The following HPSE2 variants were observed in gnomAD, a reference collection of about 807,000 sequenced individuals.
HPSE2 encodes the protein inactive heparanase-2.
HPSE2 carries 38 observed loss-of-function variants against 60.5 expected under a neutral mutation model. The ratio of observed to expected loss-of-function variants is 0.63; its 90% confidence interval spans 0.48 to 0.82. The LOEUF is 0.82. HPSE2 is among the 40% of genes least tolerant of loss of function. The pLI is 0.00. For missense variants in HPSE2, 713 were observed against 740.4 expected, an observed-to-expected ratio of 0.96 and a Z score of 0.43; for synonymous variants, 295 against 293.2, an observed-to-expected ratio of 1.01 and a Z score of -0.06.
chr10:98,775,970 C>T (rs1950331195), intron 3 of HPSE2, among the ~76,000 whole-genome samples: 1 of 152,178 alleles, frequency 6.6e-6, no homozygotes, highest in Non-Finnish European at 1.5e-5. Context: ...CAAAACAGGT[C>T]ATCAAGTTCA....
intron 6 of HPSE2, among the ~76,000 whole-genome samples, chr10:98,655,183 G>A (rs1036736491): frequency 6.6e-6 from 1 of 151,904 alleles, no homozygotes; most frequent in Non-Finnish European, 1.5e-5. Context: ...GGGGGCTAGA[G>A]TGTGGGGAAT....
rs908544439 is a variant in HPSE2, at chr10:99,060,642, G to A, written c.610+83596C>T. ...CATTGCGCTCCAGCCTGGGCAATAA[G>A]AGCGAAACTCTGTCTCAAAAAAAAA... On this transcript the variant is annotated intron_variant, in intron 3 of 11. Coordinates refer to ENST00000370552, the MANE Select transcript of HPSE2 (RefSeq NM_021828.5). 5.3e-5 allele frequency among the ~76,000 whole-genome samples: 5 copies of A among 94,966 alleles called. No homozygotes were observed. In the Admixed American group the frequency reaches 7.1e-4, roughly 14 times the overall value. The allele number at this position is 94,966 out of a possible 152,430, so 62.3% of individuals were successfully genotyped here.
intron 3 of HPSE2, among the ~76,000 whole-genome samples, chr10:99,130,068 G>T (rs1408944536): frequency 1.3e-5 from 2 of 151,812 alleles, no homozygotes; most frequent in Non-Finnish European, 2.9e-5. Flanking sequence ...AACCCTCCTA[G>T]ATTAAATCAG....
At chr10:98,913,707 C>A (rs1954042059) in intron 3 of HPSE2, among the ~76,000 whole-genome samples, 3 of 152,102 alleles carry the variant, frequency 2.0e-5, no homozygotes, top group African/African-American at 7.2e-5. Flanking sequence ...TGACTGCCTG[C>A]CCATCATGGC....
intron 3 of HPSE2, among the ~76,000 whole-genome samples, chr10:98,896,171 T>C (rs2134959134): frequency 6.6e-6 from 1 of 152,206 alleles, no homozygotes; most frequent in African/African-American, 2.4e-5. Context: ...ATTTTTCTCA[T>C]GTTTCATCTA....
intron 3 of HPSE2, among the ~76,000 whole-genome samples, chr10:99,030,438 A>G (rs903954240): frequency 3.9e-5 from 6 of 152,262 alleles, no homozygotes; most frequent in African/African-American, 1.4e-4. Flanking sequence ...TGAAAACTAC[A>G]ATGAGATATA....
chr10:98,854,024 A>G (rs916677449), intron 3 of HPSE2, among the ~76,000 whole-genome samples: 2 of 152,202 alleles, frequency 1.3e-5, no homozygotes, highest in African/African-American at 4.8e-5. Flanking sequence ...AATTTTAAAA[A>G]TATTAAGAAA....
intron 9 of HPSE2, among the ~76,000 whole-genome samples, chr10:98,514,649 C>T (rs563375764): frequency 6.6e-6 from 1 of 150,948 alleles, no homozygotes; most frequent in South Asian, 2.1e-4. Flanking sequence ...TTAATATCCT[C>T]CTTCTGGTCA....
At chr10:98,894,573 T>C (rs1953430199) in intron 3 of HPSE2, among the ~76,000 whole-genome samples, 1 of 151,868 alleles carries the variant, frequency 6.6e-6, no homozygotes, top group Non-Finnish European at 1.5e-5. Context: ...CTAAAGAAAT[T>C]ACCTAAAAAC....
chr10:98,976,587 C>T (rs1254098711), intron 3 of HPSE2, among the ~76,000 whole-genome samples: 3 of 152,132 alleles, frequency 2.0e-5, no homozygotes, highest in Admixed American at 6.6e-5. Flanking sequence ...TATACTCTAA[C>T]GATACAATTC....
intron 9 of HPSE2, among the ~76,000 whole-genome samples, chr10:98,509,896 C>G (rs1942331710): frequency 6.6e-6 from 1 of 152,050 alleles, no homozygotes. Flanking sequence ...TCTCCTCATC[C>G]TGCCCCTCCT....
At chr10:99,187,852 A>G (rs1366401885) in intron 2 of HPSE2, among the ~76,000 whole-genome samples, 2 of 152,238 alleles carry the variant, frequency 1.3e-5, no homozygotes, top group Non-Finnish European at 2.9e-5. Flanking sequence ...AGTTAAACAT[A>G]TACCTACTAC....
chr10:98,983,950 C>T (rs1471813174), intron 3 of HPSE2, among the ~76,000 whole-genome samples: 2 of 152,158 alleles, frequency 1.3e-5, no homozygotes, highest in Non-Finnish European at 2.9e-5. Flanking sequence ...CGGGGAGGGG[C>T]GACCCTCATT....
At chr10:98,832,919 C>T (rs1364322792) in intron 3 of HPSE2, among the ~76,000 whole-genome samples, 1 of 152,124 alleles carries the variant, frequency 6.6e-6, no homozygotes, top group Non-Finnish European at 1.5e-5. Context: ...AGCTCTTTTG[C>T]CAGGAGTTTT....
At chr10:98,690,732 T>C (rs2447304) in intron 6 of HPSE2, among the ~76,000 whole-genome samples, 149,163 of 152,004 alleles carry the variant, frequency 0.98, 73,247 homozygotes, top group East Asian at 1. Context: ...AGGGTTATTA[T>C]GATACAAGCT....
At chr10:98,677,683 G>A (rs967480123) in intron 6 of HPSE2, among the ~76,000 whole-genome samples, 16 of 152,276 alleles carry the variant, frequency 1.1e-4, no homozygotes, top group Middle Eastern at 3.4e-3. Context: ...AGGCCTATTT[G>A]ACTTGAAAGA....
intron 9 of HPSE2, among the ~76,000 whole-genome samples, chr10:98,534,433 T>G (rs1374151011): frequency 1.3e-5 from 2 of 152,200 alleles, no homozygotes; most frequent in Non-Finnish European, 2.9e-5. Context: ...AGGCAGAGTT[T>G]CACTCTTGTC....
intron 3 of HPSE2, among the ~76,000 whole-genome samples, chr10:99,089,624 C>T (rs533430829): frequency 9.2e-5 from 14 of 152,072 alleles, no homozygotes; most frequent in Non-Finnish European, 1.8e-4. Flanking sequence ...CAAGTTTGTT[C>T]TTTTTGCTTA....
At chr10:99,285,583 A>C in the HPSE2 span, among the ~76,000 whole-genome samples, 1 of 151,284 alleles carries the variant, frequency 6.6e-6, no homozygotes. Context: ...GGATGGAGGA[A>C]GGAAGGATAA....
Sources: gnomAD v4.1 joint callset for allele counts (sites outside exome capture counted in the v4.1 genomes callset) on GRCh38, gnomAD v4.1.1 for gene constraint, MANE v1.5 for transcripts, NCBI Gene and HGNC (gene_info 2026-07-23, HGNC 2026-07-21) for gene names.